DNAI2: variants seen among roughly 807,000 people sequenced by gnomAD.
The protein encoded by DNAI2 is dynein axonemal intermediate chain 2, also known as dynein, axonemal, intermediate polypeptide 2.
Under a neutral mutation model 74.7 loss-of-function variants are expected in DNAI2, and 63 were observed. That is an observed-to-expected ratio of 0.84 (90% CI 0.69 to 1.04). The LOEUF (loss-of-function observed/expected upper bound fraction) is 1.04. Ranked by LOEUF, DNAI2 falls within the 50% of genes least tolerant of loss-of-function variation. The pLI is 0.00. For synonymous variants in DNAI2, 289 were observed against 314.9 expected (o/e 0.92, Z 0.87); for missense variants, 688 against 803.2 (o/e 0.86, Z 1.73).
chr17:74,303,991 G>A (rs1198857309), intron 8 of DNAI2, among the ~76,000 whole-genome samples: 2 of 151,462 alleles, frequency 1.3e-5, no homozygotes, highest in Non-Finnish European at 2.9e-5. Flanking sequence ...TGACCCTGGT[G>A]GTGTGTGCTT....
At chr17:74,299,148 A>G (rs1310993046) in intron 6 of DNAI2, among the ~76,000 whole-genome samples, 1 of 152,318 alleles carries the variant, frequency 6.6e-6, no homozygotes, top group East Asian at 1.9e-4. Context: ...TAACCTTTCC[A>G]TCTTTCTTGG....
rs982624390 is a variant in DNAI2 at position 74,309,638 on chromosome 17, A to G, written c.1347+250A>G. On this transcript the variant is annotated intron_variant, in intron 10 of 13. Coordinates refer to ENST00000311014, the MANE Select transcript of DNAI2 (RefSeq NM_023036.6). The stretch of plus-strand genomic sequence containing the variant: ...ACCACCTGGGGGAAATTTAAAAAGA[A>G]ACAAAAGCAGGTACCCGGCATCTCC... 29 of 702,912 alleles carry G rather than the reference A, an allele frequency of 4.1e-5. No homozygotes were observed. In the Middle Eastern group the frequency reaches 7.5e-4, roughly 18 times the overall value. The allele number at this position is 702,912 out of a possible 1,614,324, so 43.5% of individuals were successfully genotyped here.
intron 6 of DNAI2, among the ~76,000 whole-genome samples, chr17:74,297,574 G>C (rs979010343): frequency 2.0e-5 from 3 of 151,442 alleles, no homozygotes; most frequent in African/African-American, 7.3e-5. Context: ...TAGAAACAGA[G>C]TTTTGTCATG....
intron 2 of DNAI2, 148 bp downstream of exon 2, chr17:74,282,148 C>T (rs2143876963): frequency 1.1e-6 from 1 of 951,714 alleles, no homozygotes; most frequent in Non-Finnish European, 1.6e-6. Context: ...AGGGCAGAGG[C>T]TCCCCCTGAG....
intron 3 of DNAI2, 31 bp downstream of exon 3, chr17:74,285,232 G>T: frequency 6.2e-7 from 1 of 1,609,522 alleles, no homozygotes. Context: ...AGCTGCAAGA[G>T]CCCCATCCAT....
At chr17:74,309,944 G>C in intron 10 of DNAI2, 73 bp from the exon 11 acceptor site, 2 of 1,602,042 alleles carry the variant, frequency 1.2e-6, no homozygotes, top group Admixed American at 3.4e-5. Context: ...AGCCTCCCCA[G>C]GGGCCAGTTA....
chr17:74,283,456 T>A (rs1420268280), intron 2 of DNAI2, among the ~76,000 whole-genome samples: 1 of 150,724 alleles, frequency 6.6e-6, no homozygotes, highest in African/African-American at 2.4e-5. Context: ...TTTTTTTTTT[T>A]AATTACCCAG....
At chr17:74,291,593 G>A (rs938135560) in intron 6 of DNAI2, among the ~76,000 whole-genome samples, 1 of 152,264 alleles carries the variant, frequency 6.6e-6, no homozygotes, top group Non-Finnish European at 1.5e-5. Context: ...AGACACGGGT[G>A]AGGCAGGTTT....
Position 74,300,007 on chromosome 17 carries a change from G to A in DNAI2, c.864+150G>A, listed in dbSNP as rs151250789. On this transcript the variant is annotated intron_variant, in intron 7 of 13. Coordinates refer to ENST00000311014, the MANE Select transcript of DNAI2 (RefSeq NM_023036.6). This position sits in a 1 kb window ranked among gnomAD's most constrained non-coding sequence, Gnocchi z 4.5. ...CTTGTTGCCCAGGCTGGAGTGCAAT[G>A]GCACGATCTTGGTTCACTGCAACCT... 310 of 1,253,636 alleles carry A rather than the reference G, an allele frequency of 2.5e-4. 2 individuals are homozygous for A. In the African/African-American group the frequency reaches 4.1e-3, roughly 16 times the overall value. 77.7% of individuals were successfully genotyped at this position (1,253,636 alleles called of 1,614,324 possible).
intron 4 of DNAI2, 93 bp downstream of exon 4, chr17:74,287,191 C>A: frequency 6.6e-7 from 1 of 1,522,202 alleles, no homozygotes; most frequent in East Asian, 2.4e-5. Context: ...GCTGCATGCC[C>A]TGGGTGCAGC....
Position 74,285,173 on chromosome 17 carries a change from A to T in DNAI2, c.317A>T (p.Tyr106Phe), listed in dbSNP as rs761389658. ...AAGAAAGTGGAGAAAGATGAGAACT[A>T]CGTTAACGCCATCATGCAGCTCGGC... is the stretch of plus-strand genomic sequence containing the variant. ...FRKKVEKDEN[Y>F]VNAIMQLGSI... is the part of the protein sequence containing the mutation. The change falls in exon 3 of 14, where the codon TAC becomes TTC. Residue 106 changes from tyrosine (Y) to phenylalanine (F), a missense_variant. Physicochemically the swap from Tyr to Phe is conservative, Grantham distance 22 (BLOSUM62 3). Coordinates refer to ENST00000311014, the MANE Select transcript of DNAI2 (RefSeq NM_023036.6). 3.2e-5 allele frequency: 52 copies of T among 1,614,018 alleles called. 1 individual carries two copies. In the Middle Eastern group the frequency reaches 2.0e-3, roughly 61 times the overall value.
At chr17:74,282,274 T>TA (rs2051442234) in intron 2 of DNAI2, among the ~76,000 whole-genome samples, 1 of 151,706 alleles carries the variant, frequency 6.6e-6, no homozygotes, top group Admixed American at 6.6e-5. Flanking sequence ...CGAAGACACT[T>TA]ACCAGAGTTG....
chr17:74,300,910 C>T lies in DNAI2; in HGVS notation c.865-136C>T, dbSNP rs1364343751. ...AACAGCAATCCTCAAAGTGTATTTG[C>T]TCCCACGAATTGCCGGGAGCTCCAT... On this transcript the variant is annotated intron_variant, in intron 7 of 13. Coordinates refer to ENST00000311014, the MANE Select transcript of DNAI2 (RefSeq NM_023036.6). The surrounding 1 kb of genome is among the most constrained non-coding windows in gnomAD (Gnocchi z 4.5). The T allele has an allele frequency of 2.5e-6, 3 of 1,213,924 alleles. No homozygotes were observed. Among genetic ancestry groups the T allele is most frequent in the African/African-American group, 3.0e-5 (2 of 67,306 alleles). 75.2% of individuals were successfully genotyped at this position (1,213,924 alleles called of 1,614,324 possible).
chr17:74,314,499 C>T lies in DNAI2; in HGVS notation c.*56-90C>T, dbSNP rs61016714. On this transcript the variant is annotated intron_variant, in intron 13 of 13. Coordinates refer to ENST00000311014, the MANE Select transcript of DNAI2 (RefSeq NM_023036.6). ...AGCCACCCTGAGCCCACCCCAAGGC[C>T]GAGGCCACCTTAGTCCTAGTCCTGG... 4.2e-3 allele frequency: 1,816 copies of T among 433,886 alleles called. 19 individuals carry two copies. The highest frequency in any genetic ancestry group is 0.027 in the African/African-American group (1,356 of 49,328). 26.9% of individuals were successfully genotyped at this position (433,886 alleles called of 1,614,324 possible). A position where few individuals can be genotyped will look rare whatever the true frequency, so the allele number is the denominator to read the frequency against.
At chr17:74,309,655 G>A (rs560403862) in intron 10 of DNAI2, 15 of 681,980 alleles carry the variant, frequency 2.2e-5, no homozygotes, top group Non-Finnish European at 3.5e-5. Context: ...GCAGGTACCC[G>A]GCATCTCCTA....
intron 8 of DNAI2, among the ~76,000 whole-genome samples, chr17:74,304,121 C>T (rs759946853): frequency 2.0e-5 from 3 of 150,434 alleles, no homozygotes; most frequent in Non-Finnish European, 2.9e-5. Context: ...GAACCTGTCT[C>T]GAGAAATAAA....
chr17:74,291,816 G>T (rs953139644), intron 6 of DNAI2, among the ~76,000 whole-genome samples: 1 of 152,116 alleles, frequency 6.6e-6, no homozygotes, highest in Non-Finnish European at 1.5e-5. Flanking sequence ...TGGCCTTATA[G>T]AATGAGTTGG....
Position 74,281,963 on chromosome 17 carries a change from C to A in DNAI2, c.146C>A (p.Thr49Lys), listed in dbSNP as rs374715330. ...EQFVERNPVD[T>K]GIQCSISMSE... The stretch of plus-strand genomic sequence containing the variant: ...TTCGTGGAGCGGAACCCAGTGGACA[C>A]GGGCATCCAGTGCTCGATCAGCATG... Residue 49 changes from threonine (T) to lysine (K), a missense_variant, in exon 2 of 14, where the codon ACG becomes AAG. By Grantham distance (78) the Thr-to-Lys change is moderately conservative. Coordinates refer to ENST00000311014, the MANE Select transcript of DNAI2 (RefSeq NM_023036.6). 1.9e-6 allele frequency: 3 copies of A among 1,614,120 alleles called. No homozygotes were observed. Among genetic ancestry groups the A allele is most frequent in the South Asian group, 2.2e-5 (2 of 91,080 alleles).
At chr17:74,286,874 A>G in intron 3 of DNAI2, 103 bp from the exon 4 acceptor site, 1 of 1,504,924 alleles carries the variant, frequency 6.6e-7, no homozygotes, top group Non-Finnish European at 9.2e-7. Flanking sequence ...TGGATGGGAA[A>G]AGCCCCTGGC....
Sources: gnomAD v4.1 joint callset for allele counts (sites outside exome capture counted in the v4.1 genomes callset) on GRCh38, gnomAD v4.1.1 for gene constraint, Gnocchi (gnomAD v3.1) non-coding constraint, MANE v1.5 for transcripts, NCBI Gene and HGNC (gene_info 2026-07-23, HGNC 2026-07-21) for gene names.